The following PKHD1 variants were observed in gnomAD, a reference collection of about 807,000 sequenced individuals.
PKHD1 encodes fibrocystin.
In PKHD1, 291 loss-of-function variants were observed where a neutral mutation model predicts 412.0. The ratio of observed to expected loss-of-function variants is 0.71; its 90% CI spans 0.64 to 0.78. The LOEUF (loss-of-function observed/expected upper bound fraction) is 0.78. Among genes scored for constraint, PKHD1 ranks in the 30% least tolerant of loss-of-function variants. The probability of loss-of-function intolerance (pLI) is 0.00; values close to 1 mark genes in which losing one functional copy is unlikely to be tolerated. For synonymous variants in PKHD1, 1,777 were observed against 1,821.5 expected (o/e 0.98, Z 0.62); for missense variants, 4,825 against 4,950.7 (o/e 0.97, Z 0.76).
chr6:51,921,765 T>C (rs1206895808), intron 37 of PKHD1, among the ~76,000 whole-genome samples: 1 of 152,230 alleles, frequency 6.6e-6, no homozygotes, highest in African/African-American at 2.4e-5. Flanking sequence ...CATGCCATGG[T>C]TTTCAGCTCC....
intron 52 of PKHD1, among the ~76,000 whole-genome samples, chr6:51,792,755 G>A (rs1793954964): frequency 1.3e-5 from 2 of 152,150 alleles, no homozygotes; most frequent in Admixed American, 1.3e-4. Context: ...ATCCCATCAG[G>A]ATGCAAAGCA....
intron 51 of PKHD1, among the ~76,000 whole-genome samples, chr6:51,834,156 T>C (rs1373477086): frequency 1.3e-5 from 2 of 152,032 alleles, no homozygotes; most frequent in Non-Finnish European, 2.9e-5. Context: ...ATCCACAAAT[T>C]TGTTTTGTTT....
At chr6:51,943,542 G>A (rs1441531297) in intron 36 of PKHD1, among the ~76,000 whole-genome samples, 1 of 151,518 alleles carries the variant, frequency 6.6e-6, no homozygotes, top group Non-Finnish European at 1.5e-5. Flanking sequence ...ATCTCCTGGT[G>A]CTATCCCCAA....
At chr6:51,765,467 C>T (rs899568320) in intron 55 of PKHD1, among the ~76,000 whole-genome samples, 2 of 152,142 alleles carry the variant, frequency 1.3e-5, no homozygotes, top group African/African-American at 2.4e-5. Context: ...GCCCTCTGCT[C>T]ACTCTGCGCC....
chr6:52,008,387 C>T (rs1344270583), intron 35 of PKHD1, among the ~76,000 whole-genome samples: 1 of 152,220 alleles, frequency 6.6e-6, no homozygotes, highest in Non-Finnish European at 1.5e-5. Flanking sequence ...TAAGGCCTCA[C>T]TTCCCAAATA....
chr6:51,775,988 C>A (rs991626486), intron 53 of PKHD1, 67 bp from the exon 54 acceptor site: 1 of 807,736 alleles, frequency 1.2e-6, no homozygotes, highest in Non-Finnish European at 2.2e-6. Flanking sequence ...GGAGAAATTG[C>A]AGTATAATTT....
At chr6:51,753,161 C>A (rs773650061) in intron 57 of PKHD1, 40 bp downstream of exon 57, 2 of 1,582,574 alleles carry the variant, frequency 1.3e-6, no homozygotes, top group Admixed American at 1.7e-5. Flanking sequence ...GATGAATAGG[C>A]TCCAACTGGT....
intron 65 of PKHD1, among the ~76,000 whole-genome samples, chr6:51,630,465 A>G (rs1473775139): frequency 6.6e-6 from 1 of 152,210 alleles, no homozygotes. Flanking sequence ...TTAAAATGTT[A>G]TGTTTACATG....
chr6:51,859,957 C>G (rs1464096665), intron 48 of PKHD1, among the ~76,000 whole-genome samples: 1 of 152,212 alleles, frequency 6.6e-6, no homozygotes, highest in Non-Finnish European at 1.5e-5. Flanking sequence ...CAGAGACATA[C>G]CATAGCACAC....
intron 35 of PKHD1, among the ~76,000 whole-genome samples, chr6:51,967,230 C>T (rs75030558): frequency 0.025 from 3,748 of 152,176 alleles, 78 homozygotes; most frequent in Middle Eastern, 0.088. Flanking sequence ...TATTGGCACA[C>T]GGCATGACAA....
intron 52 of PKHD1, among the ~76,000 whole-genome samples, chr6:51,817,065 A>G (rs1025490485): frequency 9.1e-6 from 1 of 110,310 alleles, no homozygotes; most frequent in African/African-American, 3.5e-5. Context: ...AGAGAGAGTC[A>G]TGGGGCTTCC....
At chr6:51,945,239 T>C (rs1789276357) in intron 36 of PKHD1, among the ~76,000 whole-genome samples, 1 of 152,214 alleles carries the variant, frequency 6.6e-6, no homozygotes, top group African/African-American at 2.4e-5. Flanking sequence ...GACTGCCGCA[T>C]TGTAAATAGT....
In PKHD1 at chr6:51,708,956, C is replaced by T. The variant is rs1582204154; in HGVS notation, c.10156+35429G>A. 4.6e-5 allele frequency among the ~76,000 whole-genome samples: 7 copies of T among 152,252 alleles called. 1 individual carries two copies. Among genetic ancestry groups the T allele is most frequent in the Admixed American group, 3.9e-4 (6 of 15,288 alleles). On this transcript the variant is annotated intron_variant, in intron 60 of 66. Coordinates refer to ENST00000371117, the MANE Select transcript of PKHD1 (RefSeq NM_138694.4). ...AGAGCAGGAGAAGGAGAAATGAAGACCATTTATGGCCCTTCTAGCCCAAAA... is the reference window on the plus strand; with the variant it reads ...AGAGCAGGAGAAGGAGAAATGAAGATCATTTATGGCCCTTCTAGCCCAAAA...
At chr6:51,986,836 A>G (rs540194968) in intron 35 of PKHD1, among the ~76,000 whole-genome samples, 5 of 152,364 alleles carry the variant, frequency 3.3e-5, no homozygotes, top group African/African-American at 1.2e-4. Context: ...AGTTTTGTCC[A>G]GAAATGAAAT....
Position 52,028,144 on chromosome 6 carries a change from T to C in PKHD1, c.3560+12A>G, listed in dbSNP as rs755687804. The C allele has an allele frequency of 1.2e-5, 20 of 1,611,694 alleles. No homozygotes were observed. Among genetic ancestry groups the C allele is most frequent in the Non-Finnish European group, 1.6e-5 (19 of 1,177,728 alleles). ...CAAACAAATCCAAAATTAATGCAAGTGGTCACCTCACCCTTGTGAGTGAAT... is the reference window on the plus strand; with the variant it reads ...CAAACAAATCCAAAATTAATGCAAGCGGTCACCTCACCCTTGTGAGTGAAT... On this transcript the variant is annotated intron_variant, in intron 30 of 66. Transcript: ENST00000371117.
At chr6:52,050,430 C>A in intron 21 of PKHD1, 135 bp from the exon 22 acceptor site, 1 of 891,492 alleles carries the variant, frequency 1.1e-6, no homozygotes. Context: ...TATCTGCTGC[C>A]ATAAAGAACA....
intron 35 of PKHD1, among the ~76,000 whole-genome samples, chr6:51,993,179 G>A (rs1261322765): frequency 1.3e-5 from 2 of 152,248 alleles, no homozygotes; most frequent in Non-Finnish European, 2.9e-5. Context: ...CCACTGCTCA[G>A]GTGGCAGGGA....
chr6:52,056,724 A>T lies in PKHD1; in HGVS notation c.1667T>A (p.Ile556Asn). ...KCKLEPLWSN[I>N]LLRLGFERGP... Reference sequence around the variant, plus strand: ...TCGTTCAAATCCAAGCCGGAGAAGGATGTTAGACCAAAGGGGTTCCAGTTT... The same window carrying T: ...TCGTTCAAATCCAAGCCGGAGAAGGTTGTTAGACCAAAGGGGTTCCAGTTT... The change falls in exon 18 of 67, where the codon ATC becomes AAC. Residue 556 changes from isoleucine to asparagine, a missense_variant. Physicochemically the swap from Ile to Asn is moderately radical, Grantham distance 149. Coordinates refer to ENST00000371117, the MANE Select transcript of PKHD1 (RefSeq NM_138694.4). 2 of 1,613,692 alleles carry T rather than the reference A, an allele frequency of 1.2e-6. No individual in the cohort carries two copies. Among genetic ancestry groups the T allele is most frequent in the Non-Finnish European group, 1.7e-6 (2 of 1,179,606 alleles).
intron 43 of PKHD1, among the ~76,000 whole-genome samples, chr6:51,894,764 T>A (rs1471585651): frequency 6.6e-6 from 1 of 152,226 alleles, no homozygotes; most frequent in Non-Finnish European, 1.5e-5. Context: ...TCTTCAAGTC[T>A]AAATAAATAC....
Sources: allele counts gnomAD v4.1 joint callset (sites outside exome capture counted in the v4.1 genomes callset), GRCh38; gene constraint gnomAD v4.1.1; transcripts MANE v1.5; gene names NCBI Gene and HGNC (gene_info 2026-07-23, HGNC 2026-07-21).